DNAH11: variants seen among roughly 807,000 people sequenced by gnomAD.
DNAH11 encodes the protein dynein axonemal heavy chain 11.
A neutral mutation model predicts 526.0 loss-of-function variants in DNAH11; 442 were observed. The ratio of observed to expected loss-of-function variants is 0.84; its 90% CI spans 0.78 to 0.91. The LOEUF is 0.91. Ranked by LOEUF, DNAH11 falls within the 40% of genes least tolerant of loss-of-function variation. DNAH11 has a pLI of 0.00. For missense variants in DNAH11, 6,989 were observed against 5,448.7 expected (o/e 1.28, Z -8.90); for synonymous variants, 2,461 against 1,935.9 (o/e 1.27, Z -7.12).
Position 21,787,514 on chromosome 7 carries a change from G to A in DNAH11, c.9855G>A (p.Leu3285=). The change falls in exon 60 of 82, where the codon CTG becomes CTA. Residue 3285 remains leucine (L), a synonymous_variant. Transcript: ENST00000409508. ...AAGACCCAGAGTTTAATCCAAACCT[G>A]ATTCGAACCAAATCTTTTGCAGCAG... ...YLKDPEFNPN[L]IRTKSFAAAG... is the part of the protein sequence containing the mutation. The A allele has an allele frequency of 1.2e-6, 2 of 1,613,600 alleles. No homozygotes were observed. The highest frequency in any genetic ancestry group is 1.7e-5 in the Admixed American group (1 of 59,986).
Position 21,866,583 on chromosome 7 carries a change from A to G in DNAH11, c.11610A>G (p.Gln3870=). 6.2e-7 allele frequency: 1 copy of G among 1,614,006 alleles called. No individual in the cohort carries two copies. The highest frequency in any genetic ancestry group is 8.5e-7 in the Non-Finnish European group (1 of 1,179,878). ...SECPEKEKLP[Q]EWKKKSLIQK... is the part of the protein sequence containing the mutation. ...GTCCAGAAAAAGAAAAATTACCTCA[A>G]GAATGGAAGAAGAAAAGTTTAATAC... Residue 3870 remains glutamine (Q), a synonymous_variant, in exon 71 of 82, where the codon CAA becomes CAG. Coordinates refer to ENST00000409508, the MANE Select transcript of DNAH11 (RefSeq NM_001277115.2).
At chr7:21,709,771 A>T (rs754874899) in intron 40 of DNAH11, among the ~76,000 whole-genome samples, 48 of 152,172 alleles carry the variant, frequency 3.2e-4, no homozygotes, top group Admixed American at 7.9e-4. Flanking sequence ...AAACTGTTCA[A>T]ATCAGTGACT....
chr7:21,544,436 CTT>C (rs1775505106), intron 1 of DNAH11, among the ~76,000 whole-genome samples: 1 of 152,130 alleles, frequency 6.6e-6, no homozygotes, highest in African/African-American at 2.4e-5. Flanking sequence ...CTAATTGTAA[CTT>C]TAAAAAAAAT....
Position 21,710,541 on chromosome 7 carries a change from A to T in DNAH11, c.6684-12A>T, listed in dbSNP as rs1784421032. The T allele has an allele frequency of 6.3e-7, 1 of 1,589,954 alleles. No homozygotes were observed. The highest frequency in any genetic ancestry group is 1.3e-5 in the African/African-American group (1 of 74,162). ...GTAGAAATAAACAGCACTCAACTAC[A>T]TTATATATTAGGATTGTTTACTCTT... On this transcript the variant is annotated splice_polypyrimidine_tract_variant and intron_variant, in intron 40 of 81. Transcript: ENST00000409508.
At chr7:21,692,073 A>G (rs1035561175) in intron 35 of DNAH11, among the ~76,000 whole-genome samples, 1 of 152,178 alleles carries the variant, frequency 6.6e-6, no homozygotes, top group South Asian at 2.1e-4. Context: ...ATTTAAGTCA[A>G]CTTCATTCAG....
intron 40 of DNAH11, among the ~76,000 whole-genome samples, chr7:21,709,268 T>C (rs1478985041): frequency 2.0e-5 from 3 of 152,214 alleles, no homozygotes; most frequent in Non-Finnish European, 4.4e-5. Context: ...TCATGTTTTT[T>C]TCAGCAACAT....
rs559097302 is a variant in DNAH11, at chr7:21,879,371, C to T, written c.12196-1331C>T. Among the ~76,000 whole-genome samples, 200 of 151,994 alleles carry T rather than the reference C, an allele frequency of 1.3e-3. 1 individual carries two copies. Among genetic ancestry groups the T allele is most frequent in the Middle Eastern group, 0.01 (3 of 294 alleles). ...ACTCGGGAGGCTGAGGCAGAAGAAT[C>T]GCCTGAACCCTGGAGGCGGAGGTTG... On this transcript the variant is annotated intron_variant, in intron 74 of 81. Transcript: ENST00000409508.
rs1184102979 is a variant in DNAH11, at chr7:21,748,755, G to C, written c.8673+13G>C. On this transcript the variant is annotated intron_variant, in intron 52 of 81. Transcript: ENST00000409508. ...CCAGGAACTTCGGGTGAGTCAAGGG[G>C]ACAGGCAGTTCTTCTGACCCTTCTG... 3 of 1,609,736 alleles carry C rather than the reference G, an allele frequency of 1.9e-6. No homozygotes were observed. In the East Asian group the frequency reaches 6.7e-5, roughly 36 times the overall value.
At chr7:21,586,256 A>G (rs1161168036) in intron 9 of DNAH11, among the ~76,000 whole-genome samples, 1 of 152,234 alleles carries the variant, frequency 6.6e-6, no homozygotes, top group Admixed American at 6.5e-5. Context: ...TTTTTACAAA[A>G]TAATGTTGTG....
At chr7:21,725,530 G>A (rs1785063838) in intron 44 of DNAH11, among the ~76,000 whole-genome samples, 1 of 152,154 alleles carries the variant, frequency 6.6e-6, no homozygotes, top group Non-Finnish European at 1.5e-5. Context: ...ATAAATTGAT[G>A]TGAACATTGG....
At chr7:21,744,761 C>A in intron 50 of DNAH11, 109 bp from the exon 51 acceptor site, 2 of 1,442,876 alleles carry the variant, frequency 1.4e-6, no homozygotes, top group Non-Finnish European at 1.9e-6. Context: ...ATTCCACCCA[C>A]CTACCCATGT....
chr7:21,736,414 G>A (rs572014023), intron 46 of DNAH11, among the ~76,000 whole-genome samples: 1 of 152,144 alleles, frequency 6.6e-6, no homozygotes, highest in Non-Finnish European at 1.5e-5. Flanking sequence ...CGAAAGAGCT[G>A]ATGTCGGAAG....
chr7:21,802,326 T>A (rs1789031125), intron 62 of DNAH11, among the ~76,000 whole-genome samples: 1 of 152,092 alleles, frequency 6.6e-6, no homozygotes, highest in South Asian at 2.1e-4. Flanking sequence ...ATAAAAAATA[T>A]GGACAGTAAT....
intron 2 of DNAH11, among the ~76,000 whole-genome samples, chr7:21,551,269 C>T: frequency 6.6e-6 from 1 of 152,296 alleles, no homozygotes; most frequent in Non-Finnish European, 1.5e-5. Flanking sequence ...CTTCTAATTT[C>T]CTCGTCCAGG....
chr7:21,800,797 G>C (rs1465953018), intron 61 of DNAH11, among the ~76,000 whole-genome samples: 1 of 152,160 alleles, frequency 6.6e-6, no homozygotes, highest in East Asian at 1.9e-4. Flanking sequence ...GGAGGATGAG[G>C]CTTGGGTGCA....
chr7:21,775,137 A>G (rs189022964), intron 56 of DNAH11, among the ~76,000 whole-genome samples: 1 of 152,300 alleles, frequency 6.6e-6, no homozygotes, highest in East Asian at 1.9e-4. Flanking sequence ...TTCTATACCA[A>G]GAATGACTCT....
At position 21,801,284 on chromosome 7, in the gene DNAH11, T is replaced by G; in HGVS notation, c.10165+9T>G. ...CAAGGAACTTGAGGCAAGTTAAACC[T>G]TTTCTTCCAAACATTCTAACTAAAA... On this transcript the variant is annotated intron_variant, in intron 62 of 81. Coordinates refer to ENST00000409508, the MANE Select transcript of DNAH11 (RefSeq NM_001277115.2). 1 of 1,613,414 alleles carries G rather than the reference T, an allele frequency of 6.2e-7. No individual in the cohort carries two copies. Among genetic ancestry groups the G allele is most frequent in the Non-Finnish European group, 8.5e-7 (1 of 1,179,674 alleles).
intron 68 of DNAH11, among the ~76,000 whole-genome samples, chr7:21,855,524 G>A (rs1782810956): frequency 6.6e-6 from 1 of 152,118 alleles, no homozygotes; most frequent in Non-Finnish European, 1.5e-5. Flanking sequence ...TCTCAATAAA[G>A]AATATAATAT....
rs560037331 is a variant in DNAH11, at chr7:21,860,012, A to C, written c.11203-1841A>C. On this transcript the variant is annotated intron_variant, in intron 68 of 81. Coordinates refer to ENST00000409508, the MANE Select transcript of DNAH11 (RefSeq NM_001277115.2). ...CACAGAGAAACCCTGTCTCTACAAAAAAATTCAAAAATTAGCCAAGTGTGA... is the reference window on the plus strand; with the variant it reads ...CACAGAGAAACCCTGTCTCTACAAACAAATTCAAAAATTAGCCAAGTGTGA... Among the ~76,000 whole-genome samples, 26 of 152,252 alleles carry C rather than the reference A, an allele frequency of 1.7e-4. 2 individuals are homozygous for C. The highest frequency in any genetic ancestry group is 1.7e-3 in the South Asian group (8 of 4,820).
Sources: allele counts gnomAD v4.1 joint callset (sites outside exome capture counted in the v4.1 genomes callset), GRCh38; gene constraint gnomAD v4.1.1; transcripts MANE v1.5; gene names NCBI Gene and HGNC (gene_info 2026-07-23, HGNC 2026-07-21).